Variants in MECOM observed in about 807,000 individuals in gnomAD.
MECOM encodes histone-lysine N-methyltransferase MECOM.
In MECOM, 13 loss-of-function variants were observed where a neutral mutation model predicts 116.3. The ratio of observed to expected loss-of-function variants is 0.11; its 90% CI spans 0.07 to 0.18. The LOEUF (loss-of-function observed/expected upper bound fraction) is 0.18. MECOM is among the 10% of genes least tolerant of loss of function. The pLI is 1.00. For synonymous variants in MECOM, 528 were observed against 535.2 expected (o/e 0.99, Z 0.19); for missense variants, 1,299 against 1,509.0 (o/e 0.86, Z 2.31).
chr3:169,182,005 T>C (rs982971747), intron 2 of MECOM, among the ~76,000 whole-genome samples: 12 of 152,186 alleles, frequency 7.9e-5, no homozygotes, highest in African/African-American at 2.7e-4. Flanking sequence ...TTTTTCTATA[T>C]CTGGAGATGA....
At chr3:169,425,259 T>C (rs1481230688) in intron 1 of MECOM, among the ~76,000 whole-genome samples, 2 of 152,162 alleles carry the variant, frequency 1.3e-5, no homozygotes, top group Non-Finnish European at 2.9e-5. Flanking sequence ...AGATCACTTA[T>C]CAATTAAGAG....
chr3:169,232,984 C>T (rs784279), intron 2 of MECOM, among the ~76,000 whole-genome samples: 125,632 of 151,924 alleles, frequency 0.83, 52,310 homozygotes, highest in Middle Eastern at 0.88. Flanking sequence ...TGGCAGGTCC[C>T]CAACAAGCAG....
rs1360170882 is a variant in MECOM at position 169,378,438 on chromosome 3, AAAGAAAGAAAGAAGGAAAGC to A, written c.375+2729_375+2748del. ...GAAAGAAAGAAAGAAAGAAAGAAAGAAAGAAAGAAAGAAGGAAAGCAAGCAAGCAAGCAAGCAAGAAAGAG... is the reference window on the plus strand; with the variant it reads ...GAAAGAAAGAAAGAAAGAAAGAAAGAAAGCAAGCAAGCAAGCAAGAAAGAG... On this transcript the variant is annotated intron_variant, in intron 2 of 16. Coordinates refer to ENST00000651503, the MANE Select transcript of MECOM (RefSeq NM_004991.4). 1.5e-3 allele frequency among the ~76,000 whole-genome samples: 127 copies of A among 83,710 alleles called. 11 individuals carry two copies. The highest frequency in any genetic ancestry group is 8.4e-3 in the African/African-American group (106 of 12,662). The allele number at this position is 83,710 out of a possible 152,430, so 54.9% of individuals were successfully genotyped here. A position where few individuals can be genotyped will look rare whatever the true frequency, so the allele number is the denominator to read the frequency against.
At chr3:169,142,561 C>A (rs984230798) in intron 3 of MECOM, among the ~76,000 whole-genome samples, 1 of 151,734 alleles carries the variant, frequency 6.6e-6, no homozygotes, top group Non-Finnish European at 1.5e-5. Flanking sequence ...CTCTTGTTTT[C>A]TTATAGCAAG....
chr3:169,372,243 G>C (rs1382024247), intron 2 of MECOM, among the ~76,000 whole-genome samples: 1 of 152,090 alleles, frequency 6.6e-6, no homozygotes, highest in African/African-American at 2.4e-5. Flanking sequence ...AATTCTGGCT[G>C]AGATGAACAC....
intron 2 of MECOM, among the ~76,000 whole-genome samples, chr3:169,374,552 C>T (rs1730695680): frequency 6.6e-6 from 1 of 151,948 alleles, no homozygotes. Context: ...GGATACTACA[C>T]AATGTTTTAG....
At chr3:169,197,197 A>C (rs910799715) in intron 2 of MECOM, among the ~76,000 whole-genome samples, 5 of 151,882 alleles carry the variant, frequency 3.3e-5, no homozygotes, top group Non-Finnish European at 5.9e-5. Context: ...ATGTTTGAAA[A>C]ACTACCTATT....
intron 2 of MECOM, among the ~76,000 whole-genome samples, chr3:169,379,520 A>G (rs1732055645): frequency 6.6e-6 from 1 of 151,828 alleles, no homozygotes; most frequent in Non-Finnish European, 1.5e-5. Context: ...GTATATGTGG[A>G]AGACATTTCA....
At chr3:169,131,258 A>G (rs1283663626) in intron 4 of MECOM, among the ~76,000 whole-genome samples, 171 bp downstream of exon 4, 1 of 152,248 alleles carries the variant, frequency 6.6e-6, no homozygotes, top group Non-Finnish European at 1.5e-5. Flanking sequence ...TCACTGTAAT[A>G]GTGGCCAGAT....
intron 2 of MECOM, among the ~76,000 whole-genome samples, chr3:169,152,566 C>G (rs1032148861): frequency 6.6e-6 from 1 of 152,188 alleles, no homozygotes; most frequent in Non-Finnish European, 1.5e-5. Context: ...CTTCTAATTA[C>G]TTTTGATTAT....
chr3:169,112,881 G>A lies in MECOM; in HGVS notation c.2490-7C>T. ...TAGTTTTCTTTTCTCTACTCTGAAA[G>A]GTTAAAATTAGATTTTGGAGATGAA... On this transcript the variant is annotated splice_polypyrimidine_tract_variant and splice_region_variant and intron_variant, in intron 8 of 16. Transcript: ENST00000651503. The A allele has an allele frequency of 3.1e-6, 5 of 1,602,898 alleles. No individual in the cohort carries two copies. Among genetic ancestry groups the A allele is most frequent in the South Asian group, 2.2e-5 (2 of 90,356 alleles).
chr3:169,577,540 T>C (rs1223933378), intron 1 of MECOM, among the ~76,000 whole-genome samples: 1 of 151,998 alleles, frequency 6.6e-6, no homozygotes, highest in Non-Finnish European at 1.5e-5. Context: ...TCGCCTTTAC[T>C]GAACACCAGA....
chr3:169,424,879 T>C (rs1740375659), intron 1 of MECOM, among the ~76,000 whole-genome samples: 1 of 152,166 alleles, frequency 6.6e-6, no homozygotes, highest in African/African-American at 2.4e-5. Context: ...CTGCAGATTA[T>C]TACAGTCAAA....
chr3:169,617,569 C>T (rs1267231387), intron 1 of MECOM, among the ~76,000 whole-genome samples: 1 of 152,190 alleles, frequency 6.6e-6, no homozygotes, highest in Non-Finnish European at 1.5e-5. Flanking sequence ...AGTTAAGAAA[C>T]TTGACCCCAA....
At position 169,284,807 on chromosome 3, in the gene MECOM, T is replaced by C. The variant is rs185698498; in HGVS notation, c.375+96380A>G. Among the ~76,000 whole-genome samples, 35 of 152,290 alleles carry C rather than the reference T, an allele frequency of 2.3e-4. No homozygotes were observed. In the East Asian group the frequency reaches 4.1e-3, roughly 18 times the overall value. ...AAATAATAACTACAAAATTCTTAAT[T>C]TATTATCATATAATTTCTCATGTTA... On this transcript the variant is annotated intron_variant, in intron 2 of 16. Transcript: ENST00000651503.
At chr3:169,140,801 G>T (rs1045083055) in intron 3 of MECOM, among the ~76,000 whole-genome samples, 1 of 93,524 alleles carries the variant, frequency 1.1e-5, no homozygotes, top group Non-Finnish European at 2.4e-5. Flanking sequence ...GTGGTAACTG[G>T]GTTGCTTTCA....
At chr3:169,603,034 T>A (rs1768014568) in intron 1 of MECOM, among the ~76,000 whole-genome samples, 1 of 152,176 alleles carries the variant, frequency 6.6e-6, no homozygotes, top group South Asian at 2.1e-4. Context: ...TATTGTAATA[T>A]CAGTAATTAA....
chr3:169,424,319 C>T (rs1578059723), intron 1 of MECOM, among the ~76,000 whole-genome samples: 1 of 152,094 alleles, frequency 6.6e-6, no homozygotes, highest in South Asian at 2.1e-4. Context: ...AGCATCCTTT[C>T]GGTGGCACAG....
At chr3:169,288,513 AT>A (rs1713829737) in intron 2 of MECOM, among the ~76,000 whole-genome samples, 2 of 152,216 alleles carry the variant, frequency 1.3e-5, no homozygotes, top group South Asian at 4.1e-4. Flanking sequence ...TTCTTTGAGA[AT>A]ATTTAGCAAT....
Sources: gnomAD v4.1 joint callset for allele counts (sites outside exome capture counted in the v4.1 genomes callset) on GRCh38, gnomAD v4.1.1 for gene constraint, MANE v1.5 for transcripts, NCBI Gene and HGNC (gene_info 2026-07-23, HGNC 2026-07-21) for gene names.